Variants in BRAF observed in about 807,000 individuals in gnomAD.
BRAF encodes B-Raf proto-oncogene, serine/threonine kinase.
Under a neutral mutation model 104.6 loss-of-function variants are expected in BRAF, and 16 were observed. That is an observed-to-expected ratio of 0.15 (90% CI 0.10 to 0.23). BRAF has a LOEUF of 0.23. Ranked by LOEUF, BRAF falls within the 10% of genes least tolerant of loss-of-function variation. The pLI, the probability that BRAF is intolerant of heterozygous loss-of-function variation, is 1.00. For synonymous variants in BRAF, 310 were observed against 341.6 expected (o/e 0.91, Z 1.02); for missense variants, 541 against 937.3 (o/e 0.58, Z 5.52).
chr7:140,840,953 GATCC>G (rs1807897799), intron 2 of BRAF, among the ~76,000 whole-genome samples: 1 of 151,858 alleles, frequency 6.6e-6, no homozygotes, highest in Admixed American at 6.6e-5. Context: ...GGACTCAAGT[GATCC>G]ATCCACCTCA....
intron 1 of BRAF, among the ~76,000 whole-genome samples, chr7:140,922,595 A>G (rs1818346367): frequency 6.6e-6 from 1 of 152,224 alleles, no homozygotes; most frequent in Non-Finnish European, 1.5e-5. Context: ...TAGTCTTCAA[A>G]CAAGATACAA....
At chr7:140,791,954 T>C (rs1333539539) in intron 8 of BRAF, among the ~76,000 whole-genome samples, 3 of 152,216 alleles carry the variant, frequency 2.0e-5, no homozygotes, top group Non-Finnish European at 2.9e-5. Context: ...TCTTAACCTC[T>C]GTAAATCTAA....
chr7:140,715,322 C>T (rs1309412563), downstream of BRAF, among the ~76,000 whole-genome samples: 2 of 152,176 alleles, frequency 1.3e-5, no homozygotes, highest in Non-Finnish European at 2.9e-5. Context: ...TGTTTACTCA[C>T]CTGTGTGTGA....
chr7:140,845,968 C>T (rs1416255781), intron 2 of BRAF, among the ~76,000 whole-genome samples: 15 of 152,116 alleles, frequency 9.9e-5, no homozygotes, highest in Admixed American at 3.9e-4. Flanking sequence ...TGTGAGCCAC[C>T]GCGCTCAGCC....
intron 2 of BRAF, among the ~76,000 whole-genome samples, chr7:140,837,378 A>C (rs1413750244): frequency 6.6e-6 from 1 of 152,190 alleles, no homozygotes; most frequent in South Asian, 2.1e-4. Flanking sequence ...ATCTCATTAC[A>C]TTAATCTGTT....
At chr7:140,758,407 A>T (rs1333123769) in intron 14 of BRAF, 1 of 152,190 alleles carries the variant, frequency 6.6e-6, no homozygotes, top group Non-Finnish European at 1.5e-5. Flanking sequence ...TTTTAAAGTT[A>T]TGCTCCATAG....
intron 1 of BRAF, among the ~76,000 whole-genome samples, chr7:140,894,180 A>C (rs1814605036): frequency 1.3e-5 from 2 of 152,170 alleles, no homozygotes. Flanking sequence ...GGGTTCAAGA[A>C]AGAAATGGAA....
chr7:140,714,986 G>A (rs201717112), downstream of BRAF, among the ~76,000 whole-genome samples: 3 of 152,170 alleles, frequency 2.0e-5, no homozygotes, highest in African/African-American at 7.2e-5. Context: ...AGTCACTCCC[G>A]TGTTTAAGGA....
At chr7:140,847,232 T>G (rs145083694) in intron 2 of BRAF, among the ~76,000 whole-genome samples, 1 of 151,752 alleles carries the variant, frequency 6.6e-6, no homozygotes, top group Non-Finnish European at 1.5e-5. Context: ...TATATATCCA[T>G]CCCCTCATTA....
the BRAF span, among the ~76,000 whole-genome samples, chr7:140,714,108 G>A: frequency 2.0e-5 from 3 of 152,062 alleles, no homozygotes; most frequent in African/African-American, 7.2e-5. Context: ...CTACATGCTG[G>A]GAGAACCACT....
At chr7:140,802,185 C>G (rs899359449) in intron 5 of BRAF, among the ~76,000 whole-genome samples, 2 of 152,014 alleles carry the variant, frequency 1.3e-5, no homozygotes, top group African/African-American at 2.4e-5. Flanking sequence ...GACTTCATAC[C>G]ACAGTGGTCC....
chr7:140,794,215 T>C, intron 8 of BRAF, 93 bp downstream of exon 8: 5 of 1,444,108 alleles, frequency 3.5e-6, no homozygotes, highest in Admixed American at 1.8e-5. Context: ...AAATGAAAAA[T>C]GGCACTTATT....
chr7:140,778,516 A>AT (rs1309832451), intron 12 of BRAF, among the ~76,000 whole-genome samples: 3 of 152,012 alleles, frequency 2.0e-5, no homozygotes, highest in African/African-American at 4.8e-5. Context: ...AGTAGTTAAC[A>AT]TTTTTTTCAA....
intron 1 of BRAF, among the ~76,000 whole-genome samples, chr7:140,906,989 C>A (rs1322409180): frequency 6.6e-6 from 1 of 152,156 alleles, no homozygotes; most frequent in Non-Finnish European, 1.5e-5. Flanking sequence ...CCAGAAATAT[C>A]TTTTGAAATA....
chr7:140,741,559 G>A (rs967668679), intron 17 of BRAF: 6 of 152,254 alleles, frequency 3.9e-5, no homozygotes, highest in Admixed American at 3.9e-4. Context: ...TTACTGCCTT[G>A]TATGGTTATT....
intron 14 of BRAF, among the ~76,000 whole-genome samples, chr7:140,771,259 G>A (rs910319205): frequency 3.9e-5 from 6 of 152,096 alleles, no homozygotes; most frequent in Non-Finnish European, 5.9e-5. Flanking sequence ...GTAGTGGCAC[G>A]ATCATGGCTC....
At chr7:140,831,575 C>G (rs533431955) in intron 3 of BRAF, among the ~76,000 whole-genome samples, 2 of 152,120 alleles carry the variant, frequency 1.3e-5, no homozygotes, top group African/African-American at 2.4e-5. Context: ...ACAGGATCCC[C>G]TTGTTGTACA....
chr7:140,809,285 A>T (rs1212892176), intron 3 of BRAF, among the ~76,000 whole-genome samples: 1 of 152,240 alleles, frequency 6.6e-6, no homozygotes, highest in East Asian at 1.9e-4. Context: ...TATACCCACC[A>T]ACGCAGTATA....
At chr7:140,843,489 G>C (rs1441914460) in intron 2 of BRAF, among the ~76,000 whole-genome samples, 3 of 152,088 alleles carry the variant, frequency 2.0e-5, no homozygotes, top group African/African-American at 7.2e-5. Context: ...ATTCTTGAAG[G>C]GTTCTGTTTC....
Sources: gnomAD v4.1 joint callset for allele counts (sites outside exome capture counted in the v4.1 genomes callset) on GRCh38, gnomAD v4.1.1 for gene constraint, MANE v1.5 for transcripts, NCBI Gene and HGNC (gene_info 2026-07-23, HGNC 2026-07-21) for gene names.